SNX24: variants seen among roughly 807,000 people sequenced by gnomAD.
SNX24 encodes sorting nexin-24.
In SNX24, 22 loss-of-function variants were observed where a neutral mutation model predicts 28.7. The ratio of observed to expected loss-of-function variants is 0.77; its 90% CI spans 0.55 to 1.10. The LOEUF (loss-of-function observed/expected upper bound fraction) is 1.10, where lower values mean the gene tolerates loss of function less well. SNX24 is among the 50% of genes least tolerant of loss of function. The pLI is 0.00. For synonymous variants in SNX24, 69 were observed against 71.5 expected (o/e 0.96, Z 0.18); for missense variants, 221 against 201.1 (o/e 1.10, Z -0.60).
intron 3 of SNX24, among the ~76,000 whole-genome samples, chr5:122,972,592 T>C (rs1761002765): frequency 6.6e-6 from 1 of 152,218 alleles, no homozygotes; most frequent in South Asian, 2.1e-4. Flanking sequence ...ACTGCTGCAC[T>C]TCTTTAGCTG....
intron 1 of SNX24, among the ~76,000 whole-genome samples, chr5:122,918,016 C>T (rs2150098868): frequency 6.6e-6 from 1 of 152,212 alleles, no homozygotes; most frequent in East Asian, 1.9e-4. Flanking sequence ...AGAGGCAGAG[C>T]TTGCAGTGAG....
intron 1 of SNX24, among the ~76,000 whole-genome samples, chr5:122,900,184 C>T (rs1757372967): frequency 1.1e-5 from 1 of 87,324 alleles, no homozygotes; most frequent in Non-Finnish European, 2.1e-5. Context: ...CACACCCACC[C>T]AGCTACTTTT....
chr5:122,930,779 AGAATCATATCAATAC>A (rs1758917979), intron 1 of SNX24, among the ~76,000 whole-genome samples: 1 of 152,166 alleles, frequency 6.6e-6, no homozygotes, highest in Admixed American at 6.5e-5. Flanking sequence ...TTTCGAAAGC[AGAATCATATCAATAC>A]ACACACACAT....
chr5:122,846,810 C>T (rs568199240), intron 1 of SNX24, among the ~76,000 whole-genome samples: 22 of 152,246 alleles, frequency 1.4e-4, no homozygotes, highest in African/African-American at 5.3e-4. Flanking sequence ...AAGTGCTTTC[C>T]TTGGGAAGGA....
chr5:122,887,793 C>T (rs528013771), intron 1 of SNX24, among the ~76,000 whole-genome samples: 1 of 152,286 alleles, frequency 6.6e-6, no homozygotes, highest in African/African-American at 2.4e-5. Context: ...ACCTCTGCCT[C>T]CCGGATTCAA....
intron 1 of SNX24, among the ~76,000 whole-genome samples, chr5:122,929,366 T>TTAA (rs755808383): frequency 1.2e-4 from 18 of 152,316 alleles, no homozygotes; most frequent in Non-Finnish European, 2.5e-4. Context: ...CCCTCTCTTA[T>TTAA]TAAAAAACTG....
At chr5:122,918,057 G>T (rs1035897252) in intron 1 of SNX24, among the ~76,000 whole-genome samples, 7 of 152,228 alleles carry the variant, frequency 4.6e-5, no homozygotes, top group African/African-American at 1.7e-4. Context: ...TCCAGCCTGG[G>T]CGACAGAGCG....
intron 3 of SNX24, chr5:122,948,453 T>C (rs563213442): frequency 2.6e-5 from 4 of 152,258 alleles, no homozygotes; most frequent in Admixed American, 2.6e-4. Flanking sequence ...AAGAAAGTGG[T>C]AATACCTCCA....
At chr5:122,865,336 AT>A (rs398093704) in intron 1 of SNX24, among the ~76,000 whole-genome samples, 1 of 84,546 alleles carries the variant, frequency 1.2e-5, no homozygotes, top group Non-Finnish European at 2.2e-5. Flanking sequence ...ATTTTTATGT[AT>A]TTATATTTTT....
chr5:122,945,711 A>G (rs1231651832), intron 2 of SNX24, among the ~76,000 whole-genome samples: 3 of 152,068 alleles, frequency 2.0e-5, no homozygotes, highest in Non-Finnish European at 4.4e-5. Flanking sequence ...ATCCAAGTAA[A>G]ATTTTGTTGT....
At chr5:122,909,408 G>A (rs912870191) in intron 1 of SNX24, among the ~76,000 whole-genome samples, 7 of 152,180 alleles carry the variant, frequency 4.6e-5, no homozygotes, top group African/African-American at 1.7e-4. Flanking sequence ...GATGCTCAAA[G>A]AGTTTAAAAC....
intron 1 of SNX24, among the ~76,000 whole-genome samples, chr5:122,903,381 GATTA>G (rs1365073082): frequency 6.6e-6 from 1 of 152,132 alleles, no homozygotes; most frequent in Admixed American, 6.6e-5. Context: ...AAGGTGTTAG[GATTA>G]CAGGCCTGAG....
intron 1 of SNX24, among the ~76,000 whole-genome samples, chr5:122,859,805 A>C (rs1301963693): frequency 6.6e-6 from 1 of 152,220 alleles, no homozygotes; most frequent in Admixed American, 6.5e-5. Flanking sequence ...CATTTAAGAA[A>C]TACATTGGTT....
rs143439630 is a variant in SNX24, at chr5:123,017,051, A to G, written n.384-12187A>G. ...CATTTCCAACTTTTTCCCCAGTTTAATCTGGTCAGGAACAAAGCAGAGCAC... is the reference window on the plus strand; with the variant it reads ...CATTTCCAACTTTTTCCCCAGTTTAGTCTGGTCAGGAACAAAGCAGAGCAC... On this transcript the variant is annotated intron_variant and non_coding_transcript_variant, in intron 5 of 5. Transcript: ENST00000502387. 3.6e-4 allele frequency among the ~76,000 whole-genome samples: 55 copies of G among 152,200 alleles called. 1 individual carries two copies. The East Asian group carries it at 7.9e-3, about 22-fold the overall frequency.
chr5:122,973,625 G>A (rs571268938), intron 3 of SNX24, among the ~76,000 whole-genome samples: 5 of 152,286 alleles, frequency 3.3e-5, no homozygotes, highest in South Asian at 2.1e-4. Context: ...GCCTGATTAC[G>A]TATATATCAC....
chr5:122,888,301 C>G (rs17149733), intron 1 of SNX24, among the ~76,000 whole-genome samples: 1,901 of 152,248 alleles, frequency 0.012, 43 homozygotes, highest in African/African-American at 0.044. Flanking sequence ...AGGCCAGGTT[C>G]CTATCCGTTA....
chr5:122,904,230 T>C (rs1425786164), intron 1 of SNX24, among the ~76,000 whole-genome samples: 12 of 152,158 alleles, frequency 7.9e-5, no homozygotes, highest in Non-Finnish European at 4.4e-5. Flanking sequence ...TTGCCCAGGC[T>C]GGAGTGCAAT....
At chr5:122,947,774 A>G (rs1298567823) in intron 3 of SNX24, among the ~76,000 whole-genome samples, 1 of 152,208 alleles carries the variant, frequency 6.6e-6, no homozygotes, top group African/African-American at 2.4e-5. Flanking sequence ...TAGGTAAACA[A>G]TGCATTCTTA....
intron 1 of SNX24, among the ~76,000 whole-genome samples, chr5:122,925,076 C>T (rs1758623133): frequency 7.0e-6 from 1 of 143,170 alleles, no homozygotes; most frequent in East Asian, 2.1e-4. Context: ...CTCCCTTTTC[C>T]CTCCTCTTCC....
Sources: allele counts gnomAD v4.1 joint callset (sites outside exome capture counted in the v4.1 genomes callset), GRCh38; gene constraint gnomAD v4.1.1; transcripts MANE v1.5; gene names NCBI Gene and HGNC (gene_info 2026-07-23, HGNC 2026-07-21).